Variants in FAT3 observed in about 807,000 individuals in gnomAD.
FAT3 encodes the protein FAT atypical cadherin 3, also known as protocadherin Fat 3.
Under a neutral mutation model 310.2 loss-of-function variants are expected in FAT3, and 95 were observed. The ratio of observed to expected loss-of-function variants is 0.31; its 90% CI spans 0.26 to 0.36. FAT3 has a LOEUF of 0.36. Ranked by LOEUF, FAT3 falls within the 10% of genes least tolerant of loss-of-function variation. FAT3 has a pLI of 1.00. For synonymous variants in FAT3, 2,314 were observed against 2,192.9 expected, an observed-to-expected ratio of 1.06 and a Z score of -1.54; for missense variants, 5,408 against 5,715.6, an observed-to-expected ratio of 0.95 and a Z score of 1.74.
At chr11:92,320,902 T>C (rs1325185492) in intron 1 of FAT3, among the ~76,000 whole-genome samples, 1 of 151,676 alleles carries the variant, frequency 6.6e-6, no homozygotes, top group Non-Finnish European at 1.5e-5. Flanking sequence ...TTATTTATAA[T>C]GTCCTTAGAC....
rs1472628069 is a variant in FAT3 at position 92,883,293 on chromosome 11, C to T, written c.12837C>T (p.Gly4279=). The T allele has an allele frequency of 3.1e-6, 5 of 1,612,498 alleles. No homozygotes were observed. The highest frequency in any genetic ancestry group is 2.7e-5 in the African/African-American group (2 of 74,918). Residue 4279 remains glycine (G), a synonymous_variant, in exon 24 of 28, where the codon GGC becomes GGT. Transcript: ENST00000525166. This position sits in a 1 kb window ranked among gnomAD's most constrained non-coding sequence, Gnocchi z 4.2. ...CCCGCATCCTGACAGCCCGGCGGGGCGTGGTCGTGTGCAGTGTGGCCCCCA... is the reference window on the plus strand; with the variant it reads ...CCCGCATCCTGACAGCCCGGCGGGGTGTGGTCGTGTGCAGTGTGGCCCCCA... ...ESPRILTARR[G]VVVCSVAPNL... is the part of the protein sequence containing the mutation.
At chr11:92,329,897 A>T (rs568653264) in intron 1 of FAT3, among the ~76,000 whole-genome samples, 2 of 151,612 alleles carry the variant, frequency 1.3e-5, no homozygotes, top group African/African-American at 4.8e-5. Flanking sequence ...AAGTTTGCAC[A>T]CTGGGTGATA....
chr11:92,485,384 G>A (rs913933406), intron 2 of FAT3, among the ~76,000 whole-genome samples: 4 of 152,124 alleles, frequency 2.6e-5, no homozygotes, highest in Non-Finnish European at 4.4e-5. Context: ...TGCCCCAAGC[G>A]CCCTGAACAA....
chr11:92,792,645 C>A, intron 8 of FAT3, 122 bp from the exon 9 acceptor site: 1 of 853,862 alleles, frequency 1.2e-6, no homozygotes, highest in Non-Finnish European at 1.9e-6. Flanking sequence ...CTACTAGAAG[C>A]CTGGAACTGG....
intron 13 of FAT3, among the ~76,000 whole-genome samples, chr11:92,823,769 G>A (rs546182148): frequency 6.6e-6 from 1 of 152,292 alleles, no homozygotes; most frequent in South Asian, 2.1e-4. Context: ...CCATGGGAAT[G>A]TGCCAGTTTT....
intron 2 of FAT3, among the ~76,000 whole-genome samples, chr11:92,478,381 A>G (rs772549531): frequency 2.0e-5 from 3 of 152,120 alleles, no homozygotes; most frequent in African/African-American, 4.8e-5. Flanking sequence ...TTTAACTTCA[A>G]CATGAAGCTT....
chr11:92,533,983 T>G (rs1253243415), intron 3 of FAT3, among the ~76,000 whole-genome samples: 3 of 152,224 alleles, frequency 2.0e-5, no homozygotes, highest in Non-Finnish European at 4.4e-5. Flanking sequence ...TTCTCTTTTA[T>G]TTCTTCTATC....
At chr11:92,464,422 C>A (rs894110961) in intron 2 of FAT3, among the ~76,000 whole-genome samples, 1 of 152,204 alleles carries the variant, frequency 6.6e-6, no homozygotes, top group Non-Finnish European at 1.5e-5. Flanking sequence ...AAATCACTAT[C>A]TCCGATTACT....
At chr11:92,295,556 T>G (rs1946828079) in intron 1 of FAT3, among the ~76,000 whole-genome samples, 1 of 152,184 alleles carries the variant, frequency 6.6e-6, no homozygotes, top group Admixed American at 6.5e-5. Flanking sequence ...ATCAGTTATC[T>G]TGTATTTAAA....
chr11:92,619,265 A>G (rs1158922621), intron 3 of FAT3, among the ~76,000 whole-genome samples: 2 of 152,156 alleles, frequency 1.3e-5, no homozygotes, highest in Admixed American at 1.3e-4. Flanking sequence ...ACTTTTGCAT[A>G]TATATTCATA....
intron 2 of FAT3, among the ~76,000 whole-genome samples, chr11:92,359,725 C>T (rs1419847213): frequency 3.7e-4 from 52 of 140,546 alleles, no homozygotes; most frequent in African/African-American, 1.2e-3. Flanking sequence ...TGAGAATATG[C>T]GGTGTTTGGT....
rs180977579 is a variant in FAT3 at position 92,236,125 on chromosome 11, A to T, written c.-18+10951A>T. Among the ~76,000 whole-genome samples the T allele has an allele frequency of 2.6e-4, 40 of 152,306 alleles. No homozygotes were observed. In the East Asian group the frequency reaches 7.7e-3, roughly 29 times the overall value. On this transcript the variant is annotated intron_variant, in intron 1 of 27. Coordinates refer to ENST00000525166, the MANE Select transcript of FAT3 (RefSeq NM_001367949.2). ...ATTATTCATAAACACCTGTGCTGTA[A>T]CTATTATTACACTAAGTTACAGTCA...
At chr11:92,861,586 G>T (rs1019547803) in intron 21 of FAT3, among the ~76,000 whole-genome samples, 1 of 152,194 alleles carries the variant, frequency 6.6e-6, no homozygotes, top group Non-Finnish European at 1.5e-5. Flanking sequence ...ATCCCTTTGT[G>T]ATGTGAATAA....
At chr11:92,472,553 C>A (rs1308603234) in intron 2 of FAT3, among the ~76,000 whole-genome samples, 1 of 152,332 alleles carries the variant, frequency 6.6e-6, no homozygotes, top group African/African-American at 2.4e-5. Flanking sequence ...GCTCTGTGGA[C>A]ACCAAAGATG....
intron 2 of FAT3, among the ~76,000 whole-genome samples, chr11:92,357,239 T>C (rs1948757392): frequency 6.6e-6 from 1 of 152,206 alleles, no homozygotes; most frequent in Admixed American, 6.5e-5. Flanking sequence ...TCTTATTTAA[T>C]TCTTCCAACA....
intron 4 of FAT3, among the ~76,000 whole-genome samples, chr11:92,731,767 T>A (rs745346804): frequency 1.4e-4 from 21 of 152,184 alleles, no homozygotes; most frequent in Non-Finnish European, 3.1e-4. Flanking sequence ...TGCCTTCGTC[T>A]GTATCCTCTC....
chr11:92,454,660 C>T (rs55647801), intron 2 of FAT3, among the ~76,000 whole-genome samples: 14,363 of 151,954 alleles, frequency 0.095, 1,052 homozygotes, highest in African/African-American at 0.21. Flanking sequence ...GTTGATCTTC[C>T]ATGTTTTAGA....
At chr11:92,660,100 T>C (rs1703512568) in intron 3 of FAT3, among the ~76,000 whole-genome samples, 1 of 152,156 alleles carries the variant, frequency 6.6e-6, no homozygotes, top group East Asian at 1.9e-4. Flanking sequence ...TATTCTTTTT[T>C]TTTTCTTAAG....
Position 92,353,981 on chromosome 11 carries a change from C to A in FAT3, c.1869C>A (p.Phe623Leu). ...YKIISGNELG[F>L]FYLNPDSGVL... Reference sequence around the variant, plus strand: ...TCATTTCTGGAAATGAACTTGGCTTCTTTTATTTAAACCCAGATTCTGGTG... The same window carrying A: ...TCATTTCTGGAAATGAACTTGGCTTATTTTATTTAAACCCAGATTCTGGTG... Residue 623 changes from phenylalanine (F) to leucine (L), a missense_variant, in exon 2 of 28, where the codon TTC (phenylalanine) becomes TTA (leucine). By Grantham distance (22) the Phe-to-Leu change is conservative (BLOSUM62 0). Transcript: ENST00000525166. 6.2e-7 allele frequency: 1 copy of A among 1,612,838 alleles called. No individual in the cohort carries two copies. The highest frequency in any genetic ancestry group is 8.5e-7 in the Non-Finnish European group (1 of 1,179,322).
Sources: allele counts gnomAD v4.1 joint callset (sites outside exome capture counted in the v4.1 genomes callset), GRCh38; gene constraint gnomAD v4.1.1; non-coding constraint Gnocchi (gnomAD v3.1); transcripts MANE v1.5; gene names NCBI Gene and HGNC (gene_info 2026-07-23, HGNC 2026-07-21).